Variants in LINGO2 observed in about 807,000 individuals in gnomAD.
LINGO2 encodes the protein leucine rich repeat and Ig domain containing 2.
A neutral mutation model predicts 30.6 loss-of-function variants in LINGO2; 14 were observed. That is an observed-to-expected ratio of 0.46 (90% CI 0.30 to 0.72). The LOEUF (loss-of-function observed/expected upper bound fraction) is 0.72. Ranked by LOEUF, LINGO2 falls within the 30% of genes least tolerant of loss-of-function variation. LINGO2 has a pLI of 0.07. For synonymous variants in LINGO2, 317 were observed against 288.5 expected (o/e 1.10, Z -1.00); for missense variants, 729 against 751.7 (o/e 0.97, Z 0.35).
At chr9:28,457,888 T>C (rs1295748095) in intron 2 of LINGO2, among the ~76,000 whole-genome samples, 4 of 152,152 alleles carry the variant, frequency 2.6e-5, no homozygotes, top group African/African-American at 4.8e-5. Context: ...CTGGGAGGCA[T>C]AAATTTTCAT....
intron 1 of LINGO2, among the ~76,000 whole-genome samples, chr9:28,596,554 T>A (rs1825187437): frequency 6.6e-6 from 1 of 152,202 alleles, no homozygotes; most frequent in African/African-American, 2.4e-5. Context: ...ATCTAATTGC[T>A]ATATAGATTG....
chr9:28,616,374 G>A (rs563404521), intron 1 of LINGO2, among the ~76,000 whole-genome samples: 1 of 152,106 alleles, frequency 6.6e-6, no homozygotes, highest in East Asian at 1.9e-4. Flanking sequence ...ATGTCAGTCC[G>A]TTTGGCTTTG....
the LINGO2 span, among the ~76,000 whole-genome samples, chr9:28,830,883 C>T: frequency 2.6e-5 from 4 of 151,184 alleles, no homozygotes; most frequent in South Asian, 2.1e-4. Flanking sequence ...TGCATGCGTG[C>T]GCACGCACGC....
rs1458158401 is a variant in LINGO2 at position 28,093,685 on chromosome 9, T to C, written c.-86-81280A>G. On this transcript the variant is annotated intron_variant, in intron 4 of 5. Transcript: ENST00000379992. The stretch of plus-strand genomic sequence containing the variant: ...GCCCCTGCTTCTTCTAGTCTGAAGA[T>C]GCAGTGTGCTGCTAGCCTAAATAAT... Among the ~76,000 whole-genome samples the C allele has an allele frequency of 4.6e-5, 7 of 152,068 alleles. No homozygotes were observed. In the East Asian group the frequency reaches 1.3e-3, roughly 29 times the overall value.
chr9:28,538,411 A>G (rs943172657), intron 1 of LINGO2, among the ~76,000 whole-genome samples: 13 of 152,188 alleles, frequency 8.5e-5, no homozygotes, highest in African/African-American at 3.1e-4. Context: ...AGAGATATTC[A>G]GTCGTGACAG....
At chr9:28,606,030 A>T (rs2135764057) in intron 1 of LINGO2, among the ~76,000 whole-genome samples, 1 of 152,190 alleles carries the variant, frequency 6.6e-6, no homozygotes, top group Non-Finnish European at 1.5e-5. Flanking sequence ...ATCTCATGAA[A>T]TAACAAACAT....
At chr9:28,961,309 T>C in the LINGO2 span, among the ~76,000 whole-genome samples, 1 of 152,140 alleles carries the variant, frequency 6.6e-6, no homozygotes, top group African/African-American at 2.4e-5. Context: ...AATAAGGACT[T>C]AGGCAAATTC....
chr9:28,616,857 G>A (rs556751156), intron 1 of LINGO2, among the ~76,000 whole-genome samples: 2 of 152,252 alleles, frequency 1.3e-5, no homozygotes, highest in East Asian at 1.9e-4. Flanking sequence ...CTGAACTTCT[G>A]TTTTAAAGTT....
At chr9:29,030,585 T>C in the LINGO2 span, among the ~76,000 whole-genome samples, 1 of 152,174 alleles carries the variant, frequency 6.6e-6, no homozygotes, top group East Asian at 1.9e-4. Flanking sequence ...CTTGGTAGAA[T>C]GTTCCTCAAT....
the LINGO2 span, among the ~76,000 whole-genome samples, chr9:28,806,917 T>A: frequency 1.3e-5 from 2 of 151,968 alleles, no homozygotes; most frequent in Non-Finnish European, 2.9e-5. Flanking sequence ...CATATTAAAA[T>A]TGTTTCTATA....
At chr9:28,861,194 ATATAT>A in the LINGO2 span, among the ~76,000 whole-genome samples, 1 of 106,756 alleles carries the variant, frequency 9.4e-6, no homozygotes, top group Non-Finnish European at 1.7e-5. Flanking sequence ...AATATATTTT[ATATAT>A]TATATATTTT....
the LINGO2 span, among the ~76,000 whole-genome samples, chr9:28,988,892 C>T: frequency 6.6e-6 from 1 of 152,088 alleles, no homozygotes; most frequent in African/African-American, 2.4e-5. Context: ...AGGTTTTTTT[C>T]TAAGTATTGG....
At chr9:28,263,787 T>C (rs1057011758) in intron 4 of LINGO2, among the ~76,000 whole-genome samples, 6 of 151,972 alleles carry the variant, frequency 3.9e-5, no homozygotes, top group African/African-American at 1.4e-4. Flanking sequence ...TTTAGAAATG[T>C]ACCCAATTCT....
the LINGO2 span, among the ~76,000 whole-genome samples, chr9:28,916,031 A>G: frequency 6.6e-6 from 1 of 152,160 alleles, no homozygotes. Context: ...TCCAAAGTCA[A>G]TCTGAAACAC....
chr9:28,720,063 A>G, the LINGO2 span, among the ~76,000 whole-genome samples: 2 of 152,066 alleles, frequency 1.3e-5, no homozygotes, highest in African/African-American at 2.4e-5. Context: ...TTCACATTGT[A>G]GCTGAAGTTA....
At chr9:28,644,502 T>G (rs1005830462) in intron 1 of LINGO2, among the ~76,000 whole-genome samples, 4 of 148,790 alleles carry the variant, frequency 2.7e-5, no homozygotes, top group African/African-American at 9.9e-5. Context: ...ACATATAGAG[T>G]GGGAGGATGG....
intron 1 of LINGO2, among the ~76,000 whole-genome samples, chr9:28,647,607 A>G (rs950811012): frequency 6.6e-6 from 1 of 152,104 alleles, no homozygotes; most frequent in Non-Finnish European, 1.5e-5. Flanking sequence ...GGAATGTTAT[A>G]CCAGCATTAT....
At chr9:28,052,279 G>C (rs533600090) in intron 4 of LINGO2, among the ~76,000 whole-genome samples, 1 of 152,080 alleles carries the variant, frequency 6.6e-6, no homozygotes, top group African/African-American at 2.4e-5. Context: ...AAAACTAGCC[G>C]TGAGAATGGC....
intron 4 of LINGO2, among the ~76,000 whole-genome samples, chr9:28,059,120 C>T (rs1042461495): frequency 1.3e-5 from 2 of 152,094 alleles, no homozygotes; most frequent in African/African-American, 4.8e-5. Context: ...ATAATGTCCT[C>T]TGGAATGTGT....
Sources: allele counts gnomAD v4.1 joint callset (sites outside exome capture counted in the v4.1 genomes callset), GRCh38; gene constraint gnomAD v4.1.1; transcripts MANE v1.5; gene names NCBI Gene and HGNC (gene_info 2026-07-23, HGNC 2026-07-21).